The following AGO2 variants were observed in gnomAD, a reference collection of about 807,000 sequenced individuals.
AGO2 encodes protein argonaute-2.
A neutral mutation model predicts 102.3 loss-of-function variants in AGO2; 5 were observed. The observed-to-expected ratio is 0.05, with a 90% confidence interval of 0.03 to 0.10. The LOEUF (loss-of-function observed/expected upper bound fraction) is 0.10. AGO2 is among the 10% of genes least tolerant of loss of function. The pLI, the probability that AGO2 is intolerant of heterozygous loss-of-function variation, is 1.00. For missense variants in AGO2, 541 were observed against 1,183.7 expected (o/e 0.46, Z 7.97); for synonymous variants, 449 against 473.1 (o/e 0.95, Z 0.66).
At chr8:140,610,769 C>T (rs186344629) in intron 1 of AGO2, among the ~76,000 whole-genome samples, 16 of 152,212 alleles carry the variant, frequency 1.1e-4, no homozygotes, top group Admixed American at 3.9e-4. Flanking sequence ...CCATGGCCAA[C>T]CCCCCCATAT....
At chr8:140,558,720 G>A in intron 6 of AGO2, 148 bp from the exon 7 acceptor site, 1 of 769,840 alleles carries the variant, frequency 1.3e-6, no homozygotes, top group South Asian at 1.7e-5. Context: ...TGACCCACAG[G>A]TCACCCCCAG....
At chr8:140,594,808 C>T (rs895342546) in intron 1 of AGO2, among the ~76,000 whole-genome samples, 4 of 99,224 alleles carry the variant, frequency 4.0e-5, no homozygotes, top group Non-Finnish European at 6.5e-5. Context: ...GAACCCGTCT[C>T]GACGGAAAGA....
intron 1 of AGO2, among the ~76,000 whole-genome samples, chr8:140,622,103 G>A (rs1279356802): frequency 1.3e-5 from 2 of 152,200 alleles, no homozygotes; most frequent in Non-Finnish European, 2.9e-5. Context: ...TGTGAACCGT[G>A]AAGACATGCC....
chr8:140,534,073 G>A (rs573953454), intron 17 of AGO2, among the ~76,000 whole-genome samples: 4 of 152,266 alleles, frequency 2.6e-5, no homozygotes, highest in Admixed American at 1.3e-4. Flanking sequence ...GCCCTGTGCC[G>A]AGGCCCCTGG....
chr8:140,586,405 AC>A (rs2073656825), intron 1 of AGO2, among the ~76,000 whole-genome samples: 1 of 152,182 alleles, frequency 6.6e-6, no homozygotes, highest in Non-Finnish European at 1.5e-5. Context: ...AGGCAGGAGA[AC>A]CGCTTGAACG....
chr8:140,590,354 C>T (rs1315284573), intron 1 of AGO2, among the ~76,000 whole-genome samples: 2 of 152,258 alleles, frequency 1.3e-5, no homozygotes, highest in Non-Finnish European at 2.9e-5. Flanking sequence ...AACCCTCGCA[C>T]TTTGGGGGTC....
rs532590078 is a variant in AGO2, at chr8:140,564,175, G to A, written c.337-1541C>T. Reference sequence around the variant, plus strand: ...GAAAAGCAGCAAGCCACAGAAGGGCGCCGCAGCACGATTCCTTCCAGACAT... The same window carrying A: ...GAAAAGCAGCAAGCCACAGAAGGGCACCGCAGCACGATTCCTTCCAGACAT... On this transcript the variant is annotated intron_variant, in intron 3 of 18. Coordinates refer to ENST00000220592, the MANE Select transcript of AGO2 (RefSeq NM_012154.5). Among the ~76,000 whole-genome samples, 257 of 152,326 alleles carry A rather than the reference G, an allele frequency of 1.7e-3. 3 individuals are homozygous for A. Among genetic ancestry groups the A allele is most frequent in the South Asian group, 2.9e-3 (14 of 4,824 alleles).
Position 140,540,073 on chromosome 8 carries a change from C to T in AGO2, c.2035-619G>A, listed in dbSNP as rs2072769092. On this transcript the variant is annotated intron_variant, in intron 15 of 18. Transcript: ENST00000220592. This position sits in a 1 kb window ranked among gnomAD's most constrained non-coding sequence, Gnocchi z 5.0. ...CCACTGCACTCCAGACTGGAGACAG[C>T]GAGAGTCTTTCTCAAAAAAAACAAA... is the stretch of plus-strand genomic sequence containing the variant. Among the ~76,000 whole-genome samples the T allele has an allele frequency of 6.6e-6, 1 of 152,004 alleles. No homozygotes were observed. The highest frequency in any genetic ancestry group is 2.1e-4 in the South Asian group (1 of 4,816).
At chr8:140,613,047 A>G (rs1564116743) in intron 1 of AGO2, among the ~76,000 whole-genome samples, 2 of 151,804 alleles carry the variant, frequency 1.3e-5, no homozygotes, top group Non-Finnish European at 2.9e-5. Context: ...AAAATACAAA[A>G]TAATTAGCCA....
rs1216784953 is a variant in AGO2, at chr8:140,529,687, A to G, written c.*2357T>C. On this transcript the variant is annotated 3_prime_UTR_variant, in exon 19 of 19. Transcript: ENST00000220592. Reference sequence around the variant, plus strand: ...CCTCCTCCCTGCTGGGTGCCACCAGAGCTGGGTCCTCAGACCCCAGGGAGC... The same window carrying G: ...CCTCCTCCCTGCTGGGTGCCACCAGGGCTGGGTCCTCAGACCCCAGGGAGC... 1 of 152,176 alleles carries G rather than the reference A, an allele frequency of 6.6e-6. No homozygotes were observed. The highest frequency in any genetic ancestry group is 1.9e-4 in the East Asian group (1 of 5,180). The allele number at this position is 152,176 out of a possible 1,614,324, so 9.4% of individuals were successfully genotyped here.
At chr8:140,552,081 C>T (rs141570151) in intron 10 of AGO2, among the ~76,000 whole-genome samples, 2 of 152,286 alleles carry the variant, frequency 1.3e-5, no homozygotes, top group East Asian at 3.9e-4. Context: ...AAGAGAAGTG[C>T]CTTGCCATGC....
At position 140,556,179 on chromosome 8, in the gene AGO2, C is replaced by T; in HGVS notation, c.1134G>A (p.Glu378=). Residue 378 remains glutamate (E), a synonymous_variant, in exon 9 of 19, where the codon GAG becomes GAA. Transcript: ENST00000220592. Reference sequence around the variant, plus strand: ...GACTGACACTCACCAATTTGCTAATCTCTTCTTGCCGATCGGGCGCCGACC... The same window carrying T: ...GACTGACACTCACCAATTTGCTAATTTCTTCTTGCCGATCGGGCGCCGACC... ...TARSAPDRQE[E]ISKLMRSASF... is the part of the protein sequence containing the mutation. 2.5e-6 allele frequency: 4 copies of T among 1,614,246 alleles called. No homozygotes were observed. Among genetic ancestry groups the T allele is most frequent in the Non-Finnish European group, 3.4e-6 (4 of 1,180,046 alleles).
At chr8:140,552,740 G>GCGCGCGCGCACACACACA (rs111262864) in intron 10 of AGO2, among the ~76,000 whole-genome samples, 3 of 130,886 alleles carry the variant, frequency 2.3e-5, no homozygotes, top group African/African-American at 9.1e-5. Flanking sequence ...GCGCGCGCGC[G>GCGCGCGCGCACACACACA]CACACACACA....
chr8:140,548,631 G>T (rs954791083), intron 12 of AGO2, among the ~76,000 whole-genome samples: 1 of 152,174 alleles, frequency 6.6e-6, no homozygotes, highest in Admixed American at 6.5e-5. Context: ...AGAGAAGTGT[G>T]GTTTTTACAT....
intron 1 of AGO2, among the ~76,000 whole-genome samples, chr8:140,607,930 G>A (rs535936916): frequency 1.3e-5 from 2 of 152,234 alleles, no homozygotes; most frequent in South Asian, 2.1e-4. Flanking sequence ...GTTTTGTTCC[G>A]CATATTTTAC....
At chr8:140,543,893 C>G (rs1345852432) in intron 14 of AGO2, among the ~76,000 whole-genome samples, 1 of 152,216 alleles carries the variant, frequency 6.6e-6, no homozygotes, top group Non-Finnish European at 1.5e-5. Context: ...TGTGGGGGCA[C>G]AGGCGTCATC....
chr8:140,572,759 T>C lies in AGO2; in HGVS notation c.336+53A>G, dbSNP rs889435052. The C allele has an allele frequency of 3.8e-6, 6 of 1,582,408 alleles. No homozygotes were observed. The African/African-American group carries it at 8.1e-5, about 21-fold the overall frequency. On this transcript the variant is annotated intron_variant, in intron 3 of 18. Transcript: ENST00000220592. ...GGCATGACAGACTTTACAACATGTG[T>C]GAGCTTTACTTCACCGTATGTTACT...
At position 140,554,164 on chromosome 8, in the gene AGO2, C is replaced by T. The variant is rs551454516; in HGVS notation, c.1269+1732G>A. Among the ~76,000 whole-genome samples, 830 of 152,382 alleles carry T rather than the reference C, an allele frequency of 5.4e-3. 6 individuals are homozygous for T. Among genetic ancestry groups the T allele is most frequent in the Non-Finnish European group, 8.2e-3 (559 of 68,038 alleles). On this transcript the variant is annotated intron_variant, in intron 10 of 18. Transcript: ENST00000220592. ...GTGCTGGGTTCAAAAGCCCCATCCC[C>T]GCACAGGGGCCAGGCACTCCTCTTG...
rs113009134 is a variant in AGO2 at position 140,544,297 on chromosome 8, C to T, written c.1755G>A (p.Pro585=). The T allele has an allele frequency of 1.5e-4, 248 of 1,601,080 alleles. 1 individual carries two copies. In the South Asian group the frequency reaches 1.9e-3, roughly 13 times the overall value. The part of the protein sequence containing the change: ...NNILLPQGRP[P]VFQQPVIFLG... The stretch of plus-strand genomic sequence containing the variant: ...GAAAGATGACGGGCTGCTGGAACAC[C>T]GGCGGCCTGCGGAGAGGAGTGGCGT... The change falls in exon 14 of 19, where the codon CCG becomes CCA. Residue 585 remains proline (P), a synonymous_variant. Coordinates refer to ENST00000220592, the MANE Select transcript of AGO2 (RefSeq NM_012154.5).
Sources: allele counts gnomAD v4.1 joint callset (sites outside exome capture counted in the v4.1 genomes callset), GRCh38; gene constraint gnomAD v4.1.1; non-coding constraint Gnocchi (gnomAD v3.1); transcripts MANE v1.5; gene names NCBI Gene and HGNC (gene_info 2026-07-23, HGNC 2026-07-21).